PCID2: variants seen among roughly 807,000 people sequenced by gnomAD.
The protein encoded by PCID2 is PCI domain-containing protein 2.
In PCID2, 41 loss-of-function variants were observed where a neutral mutation model predicts 61.3. The observed-to-expected ratio is 0.67, with a 90% CI of 0.52 to 0.87. The LOEUF (loss-of-function observed/expected upper bound fraction) is 0.87, where lower values mean the gene tolerates loss of function less well. Among genes scored for constraint, PCID2 ranks in the 40% least tolerant of loss-of-function variants. The probability of loss-of-function intolerance (pLI) is 0.00; values close to 1 mark genes in which losing one functional copy is unlikely to be tolerated. For synonymous variants in PCID2, 187 were observed against 177.8 expected, an observed-to-expected ratio of 1.05 and a Z score of -0.41; for missense variants, 392 against 493.4, an observed-to-expected ratio of 0.79 and a Z score of 1.95.
the PCID2 span, among the ~76,000 whole-genome samples, chr13:113,169,021 G>C: frequency 6.6e-6 from 1 of 152,280 alleles, no homozygotes; most frequent in African/African-American, 2.4e-5. Context: ...GAGCCACCAT[G>C]CCTGGCCCAT....
chr13:113,184,276 A>G (rs1429046141), intron 9 of PCID2, 70 bp downstream of exon 9: 6 of 1,307,200 alleles, frequency 4.6e-6, no homozygotes, highest in East Asian at 2.3e-5. Context: ...CTCTGAAACT[A>G]TATTATTCAA....
intron 1 of PCID2, 150 bp from the exon 2 acceptor site, chr13:113,200,666 C>A: frequency 2.0e-6 from 1 of 511,634 alleles, no homozygotes. Flanking sequence ...CAGATGGTCA[C>A]TACTCTCTGC....
the PCID2 span, among the ~76,000 whole-genome samples, chr13:113,169,788 T>A: frequency 6.6e-6 from 1 of 152,356 alleles, no homozygotes; most frequent in East Asian, 1.9e-4. Flanking sequence ...CTCACACTCT[T>A]GGGTGGTTCT....
chr13:113,169,683 C>T, the PCID2 span, among the ~76,000 whole-genome samples: 2,786 of 152,342 alleles, frequency 0.018, 40 homozygotes, highest in Non-Finnish European at 0.031. Flanking sequence ...TTCTATGCAT[C>T]CTGCCCCGTG....
intron 6 of PCID2, among the ~76,000 whole-genome samples, chr13:113,192,947 G>A (rs2038733098): frequency 6.6e-6 from 1 of 152,140 alleles, no homozygotes; most frequent in East Asian, 1.9e-4. Flanking sequence ...CATCTACCAT[G>A]TGCAGACACA....
chr13:113,173,060 T>C (rs2037142917), downstream of PCID2, among the ~76,000 whole-genome samples: 1 of 152,174 alleles, frequency 6.6e-6, no homozygotes, highest in African/African-American at 2.4e-5. Context: ...ACGAGGACAC[T>C]GCAGTGAGGT....
chr13:113,196,262 A>G, intron 4 of PCID2, 40 bp from the exon 5 acceptor site: 1 of 1,434,664 alleles, frequency 7.0e-7, no homozygotes, highest in Non-Finnish European at 9.7e-7. Context: ...AAGTTCAAAT[A>G]ATGCTACGTA....
At chr13:113,201,696 C>T (rs1328551293) in intron 1 of PCID2, among the ~76,000 whole-genome samples, 2 of 151,124 alleles carry the variant, frequency 1.3e-5, no homozygotes, top group Non-Finnish European at 2.9e-5. Flanking sequence ...TCCGTAGTCC[C>T]AGGTACTCGG....
At chr13:113,172,350 A>G in the PCID2 span, 2 of 543,604 alleles carry the variant, frequency 3.7e-6, no homozygotes, top group South Asian at 4.1e-5. Context: ...GAGATACGTT[A>G]AATAATAAAA....
chr13:113,198,980 CCAGTCTCATCTCCTGGGCT>C (rs1418430414), intron 2 of PCID2, among the ~76,000 whole-genome samples: 1 of 152,212 alleles, frequency 6.6e-6, no homozygotes, highest in Non-Finnish European at 1.5e-5. Flanking sequence ...GCTGAGACCA[CCAGTCTCATCTCCTGGGCT>C]AGTCTAGCTG....
intron 2 of PCID2, 50 bp from the exon 3 acceptor site, chr13:113,198,314 A>G (rs2138887263): frequency 9.4e-7 from 1 of 1,060,810 alleles, no homozygotes; most frequent in South Asian, 1.3e-5. Flanking sequence ...AGGCACAGAA[A>G]GAATGCAACA....
Position 113,180,041 on chromosome 13 carries a change from C to T in PCID2, c.862G>A (p.Glu288Lys), listed in dbSNP as rs375098990. The part of the protein sequence containing the change: ...QFAEVTRAVS[E>K]GNLLLLHEAL... Reference sequence around the variant, plus strand: ...TCGTGCAGCAGCAGCAGGTTGCCCTCGCTGGTGAGGGGGGAGGCGCGTCAG... The same window carrying T: ...TCGTGCAGCAGCAGCAGGTTGCCCTTGCTGGTGAGGGGGGAGGCGCGTCAG... Residue 288 changes from glutamate to lysine, a missense_variant and splice_region_variant, in exon 12 of 14, where the codon GAG (glutamate) becomes AAG (lysine). Glu to Lys is a moderately conservative substitution (Grantham distance 56). This residue lies in a region of PCID2 where 226 missense variants were observed against 296.5 expected (regional missense o/e 0.76). Transcript: ENST00000337344. The T allele has an allele frequency of 2.5e-6, 4 of 1,613,852 alleles. No homozygotes were observed. Among genetic ancestry groups the T allele is most frequent in the African/African-American group, 1.3e-5 (1 of 74,900 alleles).
At chr13:113,173,291 C>T (rs932194984), downstream of PCID2, among the ~76,000 whole-genome samples, 1 of 152,204 alleles carries the variant, frequency 6.6e-6, no homozygotes, top group South Asian at 2.1e-4. Context: ...AGCTGCAGTC[C>T]AGCCCCCAGT....
chr13:113,183,567 G>C (rs1171374953), intron 9 of PCID2, among the ~76,000 whole-genome samples: 1 of 152,166 alleles, frequency 6.6e-6, no homozygotes, highest in African/African-American at 2.4e-5. Context: ...CAAGCCTATA[G>C]AATAAAAAGC....
At chr13:113,199,922 G>T (rs1220630151) in intron 2 of PCID2, among the ~76,000 whole-genome samples, 1 of 152,170 alleles carries the variant, frequency 6.6e-6, no homozygotes, top group Non-Finnish European at 1.5e-5. Flanking sequence ...ACTCCAATAT[G>T]ATAAAGGGTG....
chr13:113,198,100 T>C, intron 3 of PCID2, 91 bp downstream of exon 3: 1 of 863,106 alleles, frequency 1.2e-6, no homozygotes, highest in Non-Finnish European at 1.8e-6. Flanking sequence ...AGTTATTCAC[T>C]GCTTCAAGCA....
At chr13:113,178,885 ACAC>A (rs2037355952) in intron 13 of PCID2, 78 bp downstream of exon 13, 2 of 1,421,854 alleles carry the variant, frequency 1.4e-6, no homozygotes, top group African/African-American at 1.4e-5. Flanking sequence ...AACAATTTTA[ACAC>A]CACCACACTG....
chr13:113,192,302 T>A (rs923016157), intron 6 of PCID2, among the ~76,000 whole-genome samples: 5 of 152,218 alleles, frequency 3.3e-5, no homozygotes, highest in East Asian at 1.9e-4. Flanking sequence ...TGAATTTTCT[T>A]AAATCTTGGT....
chr13:113,171,015 T>C, the PCID2 span, among the ~76,000 whole-genome samples: 30 of 152,038 alleles, frequency 2.0e-4, no homozygotes, highest in East Asian at 5.6e-3. The surrounding 1 kb of genome is among the most constrained non-coding windows in gnomAD (Gnocchi z 5.1). Context: ...CTCTGCCTCC[T>C]GGGTTCAAGC....
Sources: allele counts gnomAD v4.1 joint callset (sites outside exome capture counted in the v4.1 genomes callset), GRCh38; gene constraint gnomAD v4.1.1; regional missense constraint gnomAD v4.1.1; non-coding constraint Gnocchi (gnomAD v3.1); transcripts MANE v1.5; gene names NCBI Gene and HGNC (gene_info 2026-07-23, HGNC 2026-07-21).